ST7L: variants seen among roughly 807,000 people sequenced by gnomAD.
ST7L encodes the protein suppressor of tumorigenicity 7 protein-like.
In ST7L, 57 loss-of-function variants were observed where a neutral mutation model predicts 72.5. The observed-to-expected ratio is 0.79, with a 90% confidence interval of 0.64 to 0.98. ST7L has a LOEUF of 0.98. ST7L is among the 50% of genes least tolerant of loss of function. The pLI is 0.00. For missense variants in ST7L, 576 were observed against 672.2 expected (o/e 0.86, Z 1.58); for synonymous variants, 221 against 240.9 (o/e 0.92, Z 0.77).
intron 14 of ST7L, among the ~76,000 whole-genome samples, chr1:112,538,812 C>T: frequency 6.6e-6 from 1 of 152,184 alleles, no homozygotes; most frequent in African/African-American, 2.4e-5. Flanking sequence ...AAGGTAGCAA[C>T]AACAGCTAAC....
At chr1:112,548,263 C>T (rs766541568) in intron 13 of ST7L, among the ~76,000 whole-genome samples, 1 of 152,072 alleles carries the variant, frequency 6.6e-6, no homozygotes, top group Non-Finnish European at 1.5e-5. Context: ...GAGGTTGAGG[C>T]AGGAGAATCA....
At chr1:112,588,597 T>C (rs1389359485) in intron 6 of ST7L, among the ~76,000 whole-genome samples, 1 of 152,188 alleles carries the variant, frequency 6.6e-6, no homozygotes, top group Non-Finnish European at 1.5e-5. Context: ...TTCCATATAT[T>C]TATCATGATG....
downstream of ST7L, chr1:112,520,238 A>G: frequency 6.4e-7 from 1 of 1,574,092 alleles, no homozygotes; most frequent in Non-Finnish European, 8.7e-7. Context: ...AGGGCAGCTG[A>G]AGAGATAACT....
chr1:112,617,927 CTTAT>C, intron 1 of ST7L: 1 of 1,204,652 alleles, frequency 8.3e-7, no homozygotes, highest in Non-Finnish European at 1.1e-6. Flanking sequence ...TTCAGTTTAG[CTTAT>C]TTTAGAGTGC....
intron 11 of ST7L, among the ~76,000 whole-genome samples, chr1:112,560,970 A>C (rs80344147): frequency 6.6e-6 from 1 of 151,686 alleles, no homozygotes; most frequent in African/African-American, 2.4e-5. Flanking sequence ...TCTTAAAGAA[A>C]AAAAAAAAAA....
chr1:112,595,929 C>A (rs145750165), intron 5 of ST7L, among the ~76,000 whole-genome samples: 2 of 152,022 alleles, frequency 1.3e-5, no homozygotes, highest in South Asian at 4.1e-4. Context: ...GGGAGATATT[C>A]AAATAAAAAT....
At chr1:112,550,737 T>C in intron 12 of ST7L, 44 bp from the exon 13 acceptor site, 1 of 1,483,080 alleles carries the variant, frequency 6.7e-7, no homozygotes, top group Non-Finnish European at 9.3e-7. Context: ...TCTGTCTCAT[T>C]TACCATCCTA....
At chr1:112,571,975 C>T (rs1482969712) in intron 11 of ST7L, among the ~76,000 whole-genome samples, 1 of 152,196 alleles carries the variant, frequency 6.6e-6, no homozygotes, top group Non-Finnish European at 1.5e-5. Flanking sequence ...ATAGGACTTC[C>T]AAGTCAAAAT....
Position 112,577,054 on chromosome 1 carries a change from T to C in ST7L, c.1177A>G (p.Ser393Gly). Residue 393 changes from serine (S) to glycine (G), a missense_variant, in exon 11 of 15, where the codon AGC becomes GGC. Coordinates refer to ENST00000358039, the MANE Select transcript of ST7L (RefSeq NM_017744.5). ...SPETASRRGLSTAEINAVEAI... is the reference protein window; with the variant it reads ...SPETASRRGLGTAEINAVEAI... Reference sequence around the variant, plus strand: ...TCCACGGCATTAATTTCTGCTGTGCTTAATCCTCTTCTGGAGGCTGTTTCT... The same window carrying C: ...TCCACGGCATTAATTTCTGCTGTGCCTAATCCTCTTCTGGAGGCTGTTTCT... The C allele has an allele frequency of 6.2e-7, 1 of 1,608,516 alleles. No homozygotes were observed.
At chr1:112,527,312 A>G (rs777920473) in intron 14 of ST7L, 3 of 152,334 alleles carry the variant, frequency 2.0e-5, no homozygotes, top group Non-Finnish European at 2.9e-5. Flanking sequence ...AAAACAGTCT[A>G]CCTATAGTCA....
At chr1:112,570,141 GC>G (rs1437367399) in intron 11 of ST7L, among the ~76,000 whole-genome samples, 1 of 151,714 alleles carries the variant, frequency 6.6e-6, no homozygotes, top group Non-Finnish European at 1.5e-5. Context: ...TTTGTGTTTG[GC>G]AACTAAAAAA....
intron 3 of ST7L, among the ~76,000 whole-genome samples, chr1:112,603,790 T>C (rs994740578): frequency 6.6e-6 from 1 of 152,200 alleles, no homozygotes; most frequent in African/African-American, 2.4e-5. Context: ...TGAGTTCTTG[T>C]TGTGTTCTCA....
At chr1:112,568,944 C>G (rs577436924) in intron 11 of ST7L, among the ~76,000 whole-genome samples, 90 of 147,906 alleles carry the variant, frequency 6.1e-4, no homozygotes, top group African/African-American at 2.2e-3. Flanking sequence ...AGAAAAAACA[C>G]AAACAGCCAA....
At chr1:112,517,949 A>G in the ST7L span, 2 of 154,982 alleles carry the variant, frequency 1.3e-5, no homozygotes, top group Admixed American at 6.3e-5. Flanking sequence ...GGGAAAGCAC[A>G]TGATCTGTCC....
chr1:112,577,293 C>T (rs1663264125), intron 10 of ST7L, among the ~76,000 whole-genome samples: 1 of 150,684 alleles, frequency 6.6e-6, no homozygotes, highest in African/African-American at 2.4e-5. Flanking sequence ...CTTTGGGAGG[C>T]TGAGATAGGT....
intron 5 of ST7L, among the ~76,000 whole-genome samples, chr1:112,596,543 C>A (rs1185310361): frequency 6.6e-6 from 1 of 152,190 alleles, no homozygotes; most frequent in Non-Finnish European, 1.5e-5. Flanking sequence ...ATAAATTGCT[C>A]AGAACAGTGC....
At chr1:112,615,944 C>T (rs940747711) in intron 2 of ST7L, among the ~76,000 whole-genome samples, 28 of 152,058 alleles carry the variant, frequency 1.8e-4, no homozygotes, top group African/African-American at 6.5e-4. Flanking sequence ...ATCATGTTGG[C>T]CAGGCTGTTC....
intron 11 of ST7L, among the ~76,000 whole-genome samples, chr1:112,561,952 T>C (rs1660226399): frequency 6.6e-6 from 1 of 150,746 alleles, no homozygotes; most frequent in South Asian, 2.1e-4. Flanking sequence ...GAAGAAATGA[T>C]GCTTCTAAAA....
chr1:112,571,543 C>T (rs1035973098), intron 11 of ST7L, among the ~76,000 whole-genome samples: 1 of 152,206 alleles, frequency 6.6e-6, no homozygotes, highest in Non-Finnish European at 1.5e-5. Context: ...TCTCCTGCCT[C>T]AGCCTCCTGA....
Sources: gnomAD v4.1 joint callset for allele counts (sites outside exome capture counted in the v4.1 genomes callset) on GRCh38, gnomAD v4.1.1 for gene constraint, MANE v1.5 for transcripts, NCBI Gene and HGNC (gene_info 2026-07-23, HGNC 2026-07-21) for gene names.